The following ASTN2 variants were observed in gnomAD, a reference collection of about 807,000 sequenced individuals.
ASTN2 encodes the protein astrotactin 2, also known as astrotactin-2.
Under a neutral mutation model 139.8 loss-of-function variants are expected in ASTN2, and 54 were observed. The ratio of observed to expected loss-of-function variants is 0.39; its 90% CI spans 0.31 to 0.48. The LOEUF (loss-of-function observed/expected upper bound fraction) is 0.48. ASTN2 is among the 20% of genes least tolerant of loss of function. The pLI is 0.95. For synonymous variants in ASTN2, 756 were observed against 719.5 expected, an observed-to-expected ratio of 1.05 and a Z score of -0.81; for missense variants, 1,565 against 1,725.1, an observed-to-expected ratio of 0.91 and a Z score of 1.64.
intron 13 of ASTN2, among the ~76,000 whole-genome samples, chr9:116,769,477 G>T (rs943127793): frequency 6.6e-6 from 1 of 152,200 alleles, no homozygotes. Context: ...AAAGGCAAAT[G>T]AGGAGGGGAT....
At chr9:116,550,786 T>C (rs931489879) in intron 19 of ASTN2, among the ~76,000 whole-genome samples, 2 of 152,152 alleles carry the variant, frequency 1.3e-5, no homozygotes, top group East Asian at 3.9e-4. Flanking sequence ...TGCAGGTGGG[T>C]TGGGACAAGG....
chr9:117,060,503 A>C (rs575246287), intron 5 of ASTN2, among the ~76,000 whole-genome samples: 1 of 85,164 alleles, frequency 1.2e-5, no homozygotes, highest in East Asian at 3.4e-4. Context: ...GAAAGAAAGA[A>C]AGAAAGAAAG....
intron 3 of ASTN2, among the ~76,000 whole-genome samples, chr9:117,187,283 G>T (rs1213402709): frequency 6.6e-6 from 1 of 152,132 alleles, no homozygotes; most frequent in Non-Finnish European, 1.5e-5. Context: ...TGAAGGAACT[G>T]GGGGAACAAG....
chr9:117,280,506 GAC>G (rs1303223302), intron 2 of ASTN2, among the ~76,000 whole-genome samples: 1 of 152,164 alleles, frequency 6.6e-6, no homozygotes, highest in African/African-American at 2.4e-5. Flanking sequence ...TGGAAGAAAA[GAC>G]ACAGGAGAAT....
At chr9:116,680,654 C>G (rs906160157) in intron 16 of ASTN2, among the ~76,000 whole-genome samples, 9 of 152,138 alleles carry the variant, frequency 5.9e-5, no homozygotes, top group Non-Finnish European at 7.3e-5. Context: ...AATCCAGCAG[C>G]ACATCAAAAA....
chr9:117,357,378 A>G (rs1384576007), intron 1 of ASTN2, among the ~76,000 whole-genome samples: 1 of 152,130 alleles, frequency 6.6e-6, no homozygotes, highest in Non-Finnish European at 1.5e-5. Context: ...GTGAACCTGC[A>G]TTATGACTTT....
At chr9:116,895,211 G>A (rs899012531) in intron 10 of ASTN2, among the ~76,000 whole-genome samples, 1 of 152,174 alleles carries the variant, frequency 6.6e-6, no homozygotes, top group African/African-American at 2.4e-5. Flanking sequence ...TAATGCACAG[G>A]ATTGTTAAAA....
intron 3 of ASTN2, among the ~76,000 whole-genome samples, chr9:117,144,829 G>T (rs1830158359): frequency 6.6e-6 from 1 of 151,606 alleles, no homozygotes; most frequent in Admixed American, 6.6e-5. Flanking sequence ...TTATAGGCAT[G>T]CACCACCATG....
chr9:116,815,987 A>G (rs892919560), intron 12 of ASTN2, among the ~76,000 whole-genome samples: 2 of 152,000 alleles, frequency 1.3e-5, no homozygotes, highest in Non-Finnish European at 2.9e-5. Context: ...ATAATCCACT[A>G]TGGGTATTTT....
intron 19 of ASTN2, among the ~76,000 whole-genome samples, chr9:116,511,458 A>C (rs1317637625): frequency 6.6e-6 from 1 of 152,114 alleles, no homozygotes; most frequent in African/African-American, 2.4e-5. Flanking sequence ...ATTAGTCTAA[A>C]ATTATCATTT....
At chr9:116,676,126 G>A (rs1170944719) in intron 16 of ASTN2, among the ~76,000 whole-genome samples, 5 of 152,134 alleles carry the variant, frequency 3.3e-5, no homozygotes, top group Non-Finnish European at 5.9e-5. Context: ...AAGAGAACAG[G>A]GTCACGAGAA....
At chr9:116,914,657 G>A (rs1346215465) in intron 10 of ASTN2, among the ~76,000 whole-genome samples, 1 of 151,456 alleles carries the variant, frequency 6.6e-6, no homozygotes, top group Non-Finnish European at 1.5e-5. Flanking sequence ...TCACATCTGA[G>A]GCTCAGATAG....
intron 13 of ASTN2, among the ~76,000 whole-genome samples, chr9:116,788,185 G>A (rs1157480884): frequency 1.3e-5 from 2 of 152,078 alleles, no homozygotes; most frequent in Non-Finnish European, 2.9e-5. Context: ...GAATTGCGGG[G>A]AGATGAAGAA....
chr9:116,800,654 A>G (rs1193203161), intron 13 of ASTN2, among the ~76,000 whole-genome samples: 1 of 152,206 alleles, frequency 6.6e-6, no homozygotes, highest in Non-Finnish European at 1.5e-5. Flanking sequence ...TGGGATATAA[A>G]GTAGTTGCAT....
chr9:116,557,223 C>CAAAAAAAAAAAAAAAAAA (rs60756690), intron 19 of ASTN2, among the ~76,000 whole-genome samples: 2 of 53,596 alleles, frequency 3.7e-5, no homozygotes, highest in African/African-American at 1.5e-4. Context: ...GACTCTGTCT[C>CAAAAAAAAAAAAAAAAAA]AAAAAAAAAA....
intron 1 of ASTN2, among the ~76,000 whole-genome samples, chr9:117,394,027 T>C (rs949767163): frequency 6.6e-6 from 1 of 152,220 alleles, no homozygotes; most frequent in African/African-American, 2.4e-5. Context: ...ATGCAATATT[T>C]GTATTAGCAA....
chr9:116,531,173 T>C (rs1426787886), intron 19 of ASTN2, among the ~76,000 whole-genome samples: 1 of 152,180 alleles, frequency 6.6e-6, no homozygotes, highest in African/African-American at 2.4e-5. Context: ...ATGGAAACAC[T>C]TATCATCTGT....
At chr9:116,839,389 A>AT (rs1832121864) in intron 11 of ASTN2, among the ~76,000 whole-genome samples, 1 of 152,180 alleles carries the variant, frequency 6.6e-6, no homozygotes, top group Admixed American at 6.5e-5. Context: ...AAATTTACTC[A>AT]TTTAAGTATA....
rs1313406827 is a variant in ASTN2, at chr9:116,502,331, G to T, written c.3356-14831C>A. 2.0e-5 allele frequency among the ~76,000 whole-genome samples: 3 copies of T among 151,178 alleles called. No homozygotes were observed. In the Admixed American group the frequency reaches 2.0e-4, roughly 10 times the overall value. On this transcript the variant is annotated intron_variant, in intron 19 of 22. Transcript: ENST00000313400. ...GACACACACTCACACACAGAGAGAG[G>T]AGAGAGAGAGAGAAATAGAGAAAGA... is the stretch of plus-strand genomic sequence containing the variant.
Sources: allele counts gnomAD v4.1 joint callset (sites outside exome capture counted in the v4.1 genomes callset), GRCh38; gene constraint gnomAD v4.1.1; transcripts MANE v1.5; gene names NCBI Gene and HGNC (gene_info 2026-07-23, HGNC 2026-07-21).